RAD54L2: variants seen among roughly 807,000 people sequenced by gnomAD.
RAD54L2 encodes helicase ARIP4.
A neutral mutation model predicts 138.4 loss-of-function variants in RAD54L2; 27 were observed. The observed-to-expected ratio is 0.20, with a 90% CI of 0.14 to 0.27. RAD54L2 has a LOEUF of 0.27. Among genes scored for constraint, RAD54L2 ranks in the 10% least tolerant of loss-of-function variants. RAD54L2 has a pLI of 1.00. For synonymous variants in RAD54L2, 644 were observed against 723.2 expected (o/e 0.89, Z 1.76); for missense variants, 1,396 against 1,890.2 (o/e 0.74, Z 4.85).
chr3:51,552,561 CTTTTTTT>C (rs58505964), intron 2 of RAD54L2, among the ~76,000 whole-genome samples: 19 of 106,720 alleles, frequency 1.8e-4, no homozygotes, highest in Admixed American at 6.2e-4. Context: ...TGCGCCTGGC[CTTTTTTT>C]TTTTTTTTTT....
chr3:51,587,930 C>T (rs935138512), intron 2 of RAD54L2, among the ~76,000 whole-genome samples: 12 of 151,820 alleles, frequency 7.9e-5, no homozygotes, highest in African/African-American at 2.9e-4. Flanking sequence ...GATTTATGGC[C>T]GGGTGCGGTG....
At chr3:51,612,971 G>T (rs967434497) in intron 3 of RAD54L2, among the ~76,000 whole-genome samples, 1 of 151,926 alleles carries the variant, frequency 6.6e-6, no homozygotes, top group Non-Finnish European at 1.5e-5. Context: ...GACGAGTCTC[G>T]CTCTGTTGCC....
rs569538045 is a variant in RAD54L2 at position 51,600,592 on chromosome 3, A to T, written c.139+10033A>T. On this transcript the variant is annotated intron_variant, in intron 3 of 22. Coordinates refer to ENST00000684192, the MANE Select transcript of RAD54L2 (RefSeq NM_015106.4). ...ATGCCACTGCACTCCAGCCTTGGTGACAGAGTGAGACTCTGTCTCAAAAAA... is the reference window on the plus strand; with the variant it reads ...ATGCCACTGCACTCCAGCCTTGGTGTCAGAGTGAGACTCTGTCTCAAAAAA... 3.9e-5 allele frequency among the ~76,000 whole-genome samples: 6 copies of T among 152,310 alleles called. No individual in the cohort carries two copies. The East Asian group carries it at 1.2e-3, about 29-fold the overall frequency.
chr3:51,558,381 C>T (rs1274409220), intron 2 of RAD54L2, among the ~76,000 whole-genome samples: 1 of 152,084 alleles, frequency 6.6e-6, no homozygotes, highest in South Asian at 2.1e-4. Context: ...TAGTCAAAAT[C>T]ATGTGCCATA....
intron 2 of RAD54L2, among the ~76,000 whole-genome samples, chr3:51,582,005 C>T (rs1300943759): frequency 6.6e-6 from 1 of 151,516 alleles, no homozygotes; most frequent in Non-Finnish European, 1.5e-5. Flanking sequence ...CCCACTGGAA[C>T]CTTGAACACC....
At position 51,633,577 on chromosome 3, in the gene RAD54L2, A is replaced by G. The variant is rs369347176; in HGVS notation, c.826A>G (p.Ile276Val). The G allele has an allele frequency of 3.7e-6, 6 of 1,612,268 alleles. No individual in the cohort carries two copies. The African/African-American group carries it at 5.3e-5, about 14-fold the overall frequency. ...GACATTTGTCTTTGTCCCTTGTCAGATTGGCGGGATCCGGTTCCTTTACGA... is the reference window on the plus strand; with the variant it reads ...GACATTTGTCTTTGTCCCTTGTCAGGTTGGCGGGATCCGGTTCCTTTACGA... ...QLARAVKPHQ[I>V]GGIRFLYDNL... Residue 276 changes from isoleucine (I) to valine (V), a missense_variant and splice_region_variant, in exon 8 of 23, where the codon ATT (isoleucine) becomes GTT (valine). Ile to Val is a conservative substitution (Grantham distance 29). Transcript: ENST00000684192.
At chr3:51,582,867 G>T (rs571613860) in intron 2 of RAD54L2, among the ~76,000 whole-genome samples, 1 of 151,820 alleles carries the variant, frequency 6.6e-6, no homozygotes, top group African/African-American at 2.4e-5. Context: ...CCGGGTTCAC[G>T]CCATTCTCCT....
At chr3:51,632,190 G>A (rs1047058195) in intron 7 of RAD54L2, among the ~76,000 whole-genome samples, 1 of 152,204 alleles carries the variant, frequency 6.6e-6, no homozygotes, top group Non-Finnish European at 1.5e-5. Context: ...ATTCCATTGT[G>A]CATAGGCACC....
chr3:51,572,641 C>CTTT (rs113783205), intron 2 of RAD54L2, among the ~76,000 whole-genome samples: 1 of 136,554 alleles, frequency 7.3e-6, no homozygotes, highest in African/African-American at 2.7e-5. Context: ...TGCTATAAAT[C>CTTT]TTTTTTTTTT....
chr3:51,599,900 G>A (rs1700044922), intron 3 of RAD54L2, among the ~76,000 whole-genome samples: 1 of 151,992 alleles, frequency 6.6e-6, no homozygotes, highest in African/African-American at 2.4e-5. Context: ...TTACAGGCAT[G>A]AGCTACTGTG....
chr3:51,654,260 G>GC (rs1701535000), intron 19 of RAD54L2, among the ~76,000 whole-genome samples: 1 of 152,162 alleles, frequency 6.6e-6, no homozygotes, highest in African/African-American at 2.4e-5. Context: ...TGTTGGCCAG[G>GC]CTGGTCTTGA....
At chr3:51,611,050 T>G (rs933480990) in intron 3 of RAD54L2, among the ~76,000 whole-genome samples, 14 of 152,180 alleles carry the variant, frequency 9.2e-5, no homozygotes, top group African/African-American at 3.4e-4. Flanking sequence ...CAAGAAAATA[T>G]TTTATCACCT....
intron 3 of RAD54L2, among the ~76,000 whole-genome samples, chr3:51,600,901 A>T (rs1296952111): frequency 2.0e-5 from 3 of 152,090 alleles, no homozygotes; most frequent in Admixed American, 1.3e-4. Flanking sequence ...CAGGAGGCGG[A>T]GGTTGCAGTG....
At chr3:51,560,787 G>A (rs1048596541) in intron 2 of RAD54L2, among the ~76,000 whole-genome samples, 6 of 152,018 alleles carry the variant, frequency 3.9e-5, no homozygotes, top group East Asian at 1.9e-4. Context: ...TGAATACAAT[G>A]TGCTAAATAC....
intron 7 of RAD54L2, among the ~76,000 whole-genome samples, chr3:51,632,140 G>A (rs1700860892): frequency 6.6e-6 from 1 of 152,202 alleles, no homozygotes; most frequent in African/African-American, 2.4e-5. Flanking sequence ...CATCCATGTT[G>A]CTGCAAATGA....
chr3:51,618,550 C>T (rs1017723303), intron 3 of RAD54L2, among the ~76,000 whole-genome samples: 3 of 151,962 alleles, frequency 2.0e-5, no homozygotes, highest in Non-Finnish European at 4.4e-5. Flanking sequence ...GTACCCCCGA[C>T]TGGGTGACAG....
At chr3:51,653,792 G>A (rs541426375) in intron 19 of RAD54L2, among the ~76,000 whole-genome samples, 1 of 152,154 alleles carries the variant, frequency 6.6e-6, no homozygotes, top group Admixed American at 6.5e-5. Context: ...GGTGTGGGGG[G>A]ATGGGGGAGG....
chr3:51,574,274 T>G (rs956285164), intron 2 of RAD54L2, among the ~76,000 whole-genome samples: 2 of 152,194 alleles, frequency 1.3e-5, no homozygotes, highest in African/African-American at 4.8e-5. Flanking sequence ...GTTCCAAGTC[T>G]TTGCTATTGT....
intron 2 of RAD54L2, among the ~76,000 whole-genome samples, chr3:51,558,459 T>TTCTC (rs71633077): frequency 0.8 from 119,914 of 149,796 alleles, 48,381 homozygotes; most frequent in Middle Eastern, 0.85. Flanking sequence ...GAAGGTCCAC[T>TTCTC]TCTCTCTCTC....
Sources: gnomAD v4.1 joint callset for allele counts (sites outside exome capture counted in the v4.1 genomes callset) on GRCh38, gnomAD v4.1.1 for gene constraint, MANE v1.5 for transcripts, NCBI Gene and HGNC (gene_info 2026-07-23, HGNC 2026-07-21) for gene names.